Variants in LILRA2 observed in about 807,000 individuals in gnomAD.
LILRA2 encodes leukocyte immunoglobulin-like receptor subfamily A member 2.
LILRA2 carries 45 observed loss-of-function variants against 47.9 expected under a neutral mutation model. That is an observed-to-expected ratio of 0.94 (90% CI 0.74 to 1.20). The LOEUF is 1.20. LILRA2 is among the 50% of genes most tolerant of loss of function. The pLI is 0.00. For synonymous variants in LILRA2, 279 were observed against 249.2 expected, an observed-to-expected ratio of 1.12 and a Z score of -1.13; for missense variants, 651 against 598.2, an observed-to-expected ratio of 1.09 and a Z score of -0.92.
At position 54,587,754 on chromosome 19, in the gene LILRA2, G is replaced by C. The variant is rs993530934; in HGVS notation, c.*408G>C. 1 of 185,290 alleles carries C rather than the reference G, an allele frequency of 5.4e-6. No homozygotes were observed. Among genetic ancestry groups the C allele is most frequent in the Non-Finnish European group, 1.1e-5 (1 of 88,206 alleles). 11.5% of individuals were successfully genotyped at this position (185,290 alleles called of 1,614,324 possible). On this transcript the variant is annotated 3_prime_UTR_variant, in exon 8 of 8. Coordinates refer to ENST00000391738, the MANE Select transcript of LILRA2 (RefSeq NM_001130917.3). Reference sequence around the variant, plus strand: ...TGAGTCCCCGTCTCTTCAGTTCAGAGATCCAAACCTGAACCACCAACTAAA... The same window carrying C: ...TGAGTCCCCGTCTCTTCAGTTCAGACATCCAAACCTGAACCACCAACTAAA...
At position 54,574,559 on chromosome 19, in the gene LILRA2, AC is replaced by A; in HGVS notation, c.334del (p.Leu112TrpfsTer5). ...YSHNHSSEYS[D>X]PLELVVTGAY... ...CACAATCACTCATCAGAGTACAGTG[AC>A]CCCCTGGAGCTGGTGGTGACAGGTG... On this transcript the variant is annotated frameshift_variant, in exon 3 of 8. Transcript: ENST00000391738. LOFTEE classifies it high-confidence loss of function. 1 of 1,613,768 alleles carries A rather than the reference AC, an allele frequency of 6.2e-7. No homozygotes were observed. The highest frequency in any genetic ancestry group is 8.5e-7 in the Non-Finnish European group (1 of 1,179,816).
rs1462038110 is a variant in LILRA2 at position 54,587,057 on chromosome 19, A to G, written c.1303A>G (p.Thr435Ala). 1 of 1,613,480 alleles carries G rather than the reference A, an allele frequency of 6.2e-7. No homozygotes were observed. Among genetic ancestry groups the G allele is most frequent in the South Asian group, 1.1e-5 (1 of 91,046 alleles). Residue 435 changes from threonine to alanine, a missense_variant, in exon 7 of 8, where the codon ACT becomes GCT. Transcript: ENST00000391738. ...SPSQNKTDST[T>A]TSLGQHPQDY... ...ATCACAAAACAAGACAGACTCCACG[A>G]CTAGTGAGTGAGGAGATGCTCTCAG...
chr19:54,589,739 G>A lies in LILRA2; in HGVS notation c.*2393G>A, dbSNP rs1249961270. The A allele has an allele frequency of 6.6e-6, 1 of 151,880 alleles. No homozygotes were observed. The highest frequency in any genetic ancestry group is 6.6e-5 in the Admixed American group (1 of 15,260). 9.4% of individuals were successfully genotyped at this position (151,880 alleles called of 1,614,324 possible). ...AGCTTTTCTCCTCTGTGCTTTCCAT[G>A]TCCCTGTGGTTCTCTGGTGAGCCCC... is the stretch of plus-strand genomic sequence containing the variant. On this transcript the variant is annotated 3_prime_UTR_variant, in exon 8 of 8. Coordinates refer to ENST00000391738, the MANE Select transcript of LILRA2 (RefSeq NM_001130917.3).
In LILRA2 at chr19:54,587,301, G is replaced by A. The variant is rs779521654; in HGVS notation, c.1407G>A (p.Glu469=). 1 of 1,614,152 alleles carries A rather than the reference G, an allele frequency of 6.2e-7. No individual in the cohort carries two copies. The highest frequency in any genetic ancestry group is 1.1e-5 in the South Asian group (1 of 91,070). ...TGGTCCTCGGGATTCTGCTATTTGA[G>A]GCTCAGCACAGCCAGAGAAGCCTAC... ...VLVVLGILLF[E]AQHSQRSLQD... Residue 469 remains glutamate (E), a synonymous_variant, in exon 8 of 8, where the codon GAG becomes GAA. Coordinates refer to ENST00000391738, the MANE Select transcript of LILRA2 (RefSeq NM_001130917.3).
In LILRA2 at chr19:54,575,750, G is replaced by A. The variant is rs562693181; in HGVS notation, c.953-57G>A. ...TAAGGGTCCCAGGGAGAGGCCTGGG[G>A]AGGTCTCAGCTCAGAACAAGGTGGG... On this transcript the variant is annotated intron_variant, in intron 5 of 7. Coordinates refer to ENST00000391738, the MANE Select transcript of LILRA2 (RefSeq NM_001130917.3). 5.5e-5 allele frequency: 89 copies of A among 1,606,576 alleles called. No homozygotes were observed. In the South Asian group the frequency reaches 9.4e-4, roughly 17 times the overall value.
At chr19:54,584,930 G>A (rs970321044) in intron 6 of LILRA2, among the ~76,000 whole-genome samples, 1 of 152,148 alleles carries the variant, frequency 6.6e-6, no homozygotes, top group Non-Finnish European at 1.5e-5. Context: ...TTTGGTCTTT[G>A]ATGTTGGTGA....
chr19:54,577,905 T>G lies in LILRA2; in HGVS notation c.1255+1796T>G, dbSNP rs373046738. On this transcript the variant is annotated intron_variant, in intron 6 of 7. Transcript: ENST00000391738. ...TTAAAAATCCTTATTTATACTCCCCTTTAATTGAGTCTTGATTTAATTTAT... is the reference window on the plus strand; with the variant it reads ...TTAAAAATCCTTATTTATACTCCCCGTTAATTGAGTCTTGATTTAATTTAT... Among the ~76,000 whole-genome samples the G allele has an allele frequency of 1.2e-3, 180 of 152,200 alleles. 2 individuals carry two copies. In the South Asian group the frequency reaches 0.035, roughly 30 times the overall value.
chr19:54,574,497 G>A lies in LILRA2; in HGVS notation c.267G>A (p.Trp89Ter), dbSNP rs756043691. The A allele has an allele frequency of 1.9e-6, 3 of 1,613,984 alleles. No homozygotes were observed. Among genetic ancestry groups the A allele is most frequent in the South Asian group, 2.2e-5 (2 of 91,090 alleles). The change falls in exon 3 of 8, where the codon TGG becomes TGA. Residue 89 changes from tryptophan to a stop codon, truncating the protein, a stop_gained. Coordinates refer to ENST00000391738, the MANE Select transcript of LILRA2 (RefSeq NM_001130917.3). LOFTEE classifies it high-confidence loss of function. The stretch of plus-strand genomic sequence containing the variant: ...AGTTCCCCATCCCATCCATCACCTG[G>A]GAACACGCAGGGCGGTATCACTGTC... ...NGQFPIPSITWEHAGRYHCQY... is the reference protein window; with the variant it reads ...NGQFPIPSIT
At position 54,588,231 on chromosome 19, in the gene LILRA2, C is replaced by G. The variant is rs1329458607; in HGVS notation, c.*885C>G. On this transcript the variant is annotated 3_prime_UTR_variant, in exon 8 of 8. Transcript: ENST00000391738. The stretch of plus-strand genomic sequence containing the variant: ...GTTATGGCACAGGTCAAATGAAATT[C>G]TGACACTGTTATCCTAGCATATCCA... The G allele has an allele frequency of 6.6e-6, 1 of 152,208 alleles. No homozygotes were observed. The highest frequency in any genetic ancestry group is 2.4e-5 in the African/African-American group (1 of 41,450). 9.4% of individuals were successfully genotyped at this position (152,208 alleles called of 1,614,324 possible).
chr19:54,589,387 C>G lies in LILRA2; in HGVS notation c.*2041C>G, dbSNP rs552307817. ...GTGTGGTGGTACACGCCTGTAATCC[C>G]AGCTACTCAGGAGGCTGAGACAGGA... On this transcript the variant is annotated 3_prime_UTR_variant, in exon 8 of 8. Coordinates refer to ENST00000391738, the MANE Select transcript of LILRA2 (RefSeq NM_001130917.3). 8 of 152,162 alleles carry G rather than the reference C, an allele frequency of 5.3e-5. No homozygotes were observed. Among genetic ancestry groups the G allele is most frequent in the African/African-American group, 1.9e-4 (8 of 41,508 alleles). The allele number at this position is 152,162 out of a possible 1,614,324, so 9.4% of individuals were successfully genotyped here.
rs777062864 is a variant in LILRA2 at position 54,575,942 on chromosome 19, C to A, written c.1088C>A (p.Pro363His). Residue 363 changes from proline to histidine, a missense_variant, in exon 6 of 8, where the codon CCC becomes CAC. Transcript: ENST00000391738. ...CTGACCAAGGAGGGGGCAGGCCATC[C>A]CCCACTGCATCTGAGATCAGAGCAC... Reference protein sequence around the residue: ...FLLTKEGAGHPPLHLRSEHQA... With the variant: ...FLLTKEGAGHHPLHLRSEHQA... 7 of 1,613,946 alleles carry A rather than the reference C, an allele frequency of 4.3e-6. No individual in the cohort carries two copies. Among genetic ancestry groups the A allele is most frequent in the Middle Eastern group, 3.3e-4 (2 of 6,060 alleles).
In LILRA2 at chr19:54,590,065, T is replaced by A. The variant is rs1361022098; in HGVS notation, c.*2719T>A. The A allele has an allele frequency of 6.6e-6, 1 of 152,254 alleles. No homozygotes were observed. Among genetic ancestry groups the A allele is most frequent in the Non-Finnish European group, 1.5e-5 (1 of 68,044 alleles). The allele number at this position is 152,254 out of a possible 1,614,324, so 9.4% of individuals were successfully genotyped here. A position where few individuals can be genotyped will look rare whatever the true frequency, so the allele number is the denominator to read the frequency against. On this transcript the variant is annotated 3_prime_UTR_variant, in exon 8 of 8. Coordinates refer to ENST00000391738, the MANE Select transcript of LILRA2 (RefSeq NM_001130917.3). ...ATTTATGAATTTGTGCACATTAAAC[T>A]CATGATCTTTCATTTCTGTAAAAAT...
chr19:54,573,779 A>G (rs2062228338), upstream of LILRA2: 1 of 1,601,160 alleles, frequency 6.2e-7, no homozygotes, highest in Non-Finnish European at 8.5e-7. Context: ...CCATGACAAG[A>G]AGGATCCAGC....
In LILRA2 at chr19:54,575,453, G is replaced by C; in HGVS notation, c.853G>C (p.Val285Leu). ...LSQANFTLGP[V>L]SPSHGGQYRC... ...CCAGGCCAACTTCACCCTGGGCCCT[G>C]TGAGCCCCTCCCACGGGGGCCAGTA... is the stretch of plus-strand genomic sequence containing the variant. Residue 285 changes from valine to leucine, a missense_variant, in exon 5 of 8, where the codon GTG becomes CTG. Val to Leu is a conservative substitution (Grantham distance 32). Coordinates refer to ENST00000391738, the MANE Select transcript of LILRA2 (RefSeq NM_001130917.3). 1 of 1,613,888 alleles carries C rather than the reference G, an allele frequency of 6.2e-7. No homozygotes were observed. Among genetic ancestry groups the C allele is most frequent in the Admixed American group, 1.7e-5 (1 of 60,020 alleles).
chr19:54,575,745 C>T, intron 5 of LILRA2, 62 bp from the exon 6 acceptor site: 1 of 1,606,082 alleles, frequency 6.2e-7, no homozygotes, highest in South Asian at 1.1e-5. Context: ...AGGGAGAGGC[C>T]TGGGGAGGTC....
chr19:54,585,781 C>T (rs761288641), intron 6 of LILRA2, among the ~76,000 whole-genome samples: 7 of 152,206 alleles, frequency 4.6e-5, no homozygotes, highest in Non-Finnish European at 8.8e-5. Flanking sequence ...TGCTTCAGCT[C>T]GCCCTTTGTG....
In LILRA2 at chr19:54,573,899, C is replaced by T; in HGVS notation, c.21C>T (p.Val7=). Reference sequence around the variant, plus strand: ...ACGCCATGACCCCCATCCTCACGGTCCTGATCTGTCTCGGTGAGATTTGAA... The same window carrying T: ...ACGCCATGACCCCCATCCTCACGGTTCTGATCTGTCTCGGTGAGATTTGAA... MTPILT[V]LICLGLSLGP... The change falls in exon 1 of 8, where the codon GTC becomes GTT. Residue 7 remains valine, a synonymous_variant. Transcript: ENST00000391738. 1 of 1,614,230 alleles carries T rather than the reference C, an allele frequency of 6.2e-7. No homozygotes were observed. The highest frequency in any genetic ancestry group is 1.1e-5 in the South Asian group (1 of 91,082).
chr19:54,576,958 C>A (rs1393715280), intron 6 of LILRA2, among the ~76,000 whole-genome samples: 1 of 152,204 alleles, frequency 6.6e-6, no homozygotes, highest in Non-Finnish European at 1.5e-5. Flanking sequence ...TCATTTCTGA[C>A]CTTCTGGGGC....
chr19:54,573,371 C>A, upstream of LILRA2: 1 of 777,426 alleles, frequency 1.3e-6, no homozygotes, highest in Non-Finnish European at 2.2e-6. Flanking sequence ...TGATCTGAGT[C>A]TAACTGCAGC....
Sources: allele counts gnomAD v4.1 joint callset (sites outside exome capture counted in the v4.1 genomes callset), GRCh38; gene constraint gnomAD v4.1.1; transcripts MANE v1.5; gene names NCBI Gene and HGNC (gene_info 2026-07-23, HGNC 2026-07-21).